TDP1: variants seen among roughly 807,000 people sequenced by gnomAD.
TDP1 encodes the protein tyrosyl-DNA phosphodiesterase 1, also known as tyr-DNA phosphodiesterase 1.
A neutral mutation model predicts 81.5 loss-of-function variants in TDP1; 64 were observed. That is an observed-to-expected ratio of 0.79 (90% CI 0.64 to 0.97). The LOEUF (loss-of-function observed/expected upper bound fraction) is 0.97, where lower values mean the gene tolerates loss of function less well. Ranked by LOEUF, TDP1 falls within the 50% of genes least tolerant of loss-of-function variation. The pLI is 0.00. For missense variants in TDP1, 723 were observed against 743.8 expected (o/e 0.97, Z 0.33); for synonymous variants, 256 against 264.3 (o/e 0.97, Z 0.30).
At chr14:89,992,104 A>T in intron 13 of TDP1, 121 bp downstream of exon 13, 1 of 806,058 alleles carries the variant, frequency 1.2e-6, no homozygotes, top group Non-Finnish European at 2.0e-6. Flanking sequence ...TCTTTCATCT[A>T]CATATGTTAG....
chr14:89,973,023 AT>A (rs1287908600), intron 6 of TDP1, among the ~76,000 whole-genome samples: 3 of 151,902 alleles, frequency 2.0e-5, no homozygotes, highest in East Asian at 1.9e-4. Context: ...ATATCTTTGT[AT>A]TTTTTTAAGA....
chr14:90,009,896 G>A (rs1884495614), intron 14 of TDP1, among the ~76,000 whole-genome samples: 1 of 152,096 alleles, frequency 6.6e-6, no homozygotes, highest in Admixed American at 6.5e-5. Context: ...GATGAAGGAT[G>A]TTCTTTTCAA....
At chr14:89,998,551 A>T (rs1401868726) in intron 14 of TDP1, among the ~76,000 whole-genome samples, 5 of 151,242 alleles carry the variant, frequency 3.3e-5, no homozygotes, top group African/African-American at 1.2e-4. Context: ...CACAGAGGTT[A>T]AACAATGTGC....
intron 14 of TDP1, among the ~76,000 whole-genome samples, chr14:90,005,059 A>T (rs1432736231): frequency 6.6e-6 from 1 of 152,232 alleles, no homozygotes; most frequent in African/African-American, 2.4e-5. Flanking sequence ...TAAAGGAATC[A>T]TCTTCAGAGA....
At chr14:89,977,743 A>G (rs1950348391) in intron 7 of TDP1, among the ~76,000 whole-genome samples, 1 of 152,226 alleles carries the variant, frequency 6.6e-6, no homozygotes, top group South Asian at 2.1e-4. Context: ...CACCTTCCAG[A>G]TCATAGTGAT....
chr14:89,982,457 C>T lies in TDP1; in HGVS notation c.884+1825C>T, dbSNP rs544730709. ...GGCAATGAGATTAATGTAGCTTGTT[C>T]TCATGAAACAATGTTACTAAAGGGA... On this transcript the variant is annotated intron_variant, in intron 8 of 16. Coordinates refer to ENST00000335725, the MANE Select transcript of TDP1 (RefSeq NM_018319.4). Among the ~76,000 whole-genome samples, 9 of 152,240 alleles carry T rather than the reference C, an allele frequency of 5.9e-5. No individual in the cohort carries two copies. The South Asian group carries it at 1.9e-3, about 32-fold the overall frequency.
At chr14:90,000,636 CGG>C in intron 14 of TDP1, among the ~76,000 whole-genome samples, 1 of 152,278 alleles carries the variant, frequency 6.6e-6, no homozygotes, top group South Asian at 2.1e-4. Context: ...CCGCCCACCT[CGG>C]CCCCCCAAAG....
chr14:90,038,837 C>CA lies in TDP1; in HGVS notation c.1754-4222dup, dbSNP rs537039622. 1.4e-3 allele frequency among the ~76,000 whole-genome samples: 190 copies of CA among 139,222 alleles called. 2 individuals are homozygous for CA. The South Asian group carries it at 0.024, about 18-fold the overall frequency. The allele number at this position is 139,222 out of a possible 152,430, so 91.3% of individuals were successfully genotyped here. A position where few individuals can be genotyped will look rare whatever the true frequency, so the allele number is the denominator to read the frequency against. On this transcript the variant is annotated intron_variant, in intron 16 of 16. Coordinates refer to ENST00000335725, the MANE Select transcript of TDP1 (RefSeq NM_018319.4). ...CGGGTGACAGAGCGAGACTCCATCT[C>CA]AAAAAAAAAAATTGTTGATATGTTT...
At chr14:89,971,579 A>T (rs929036958) in intron 6 of TDP1, among the ~76,000 whole-genome samples, 12 of 152,178 alleles carry the variant, frequency 7.9e-5, no homozygotes, top group African/African-American at 2.9e-4. Context: ...CATGTCAGTG[A>T]TTCATATATC....
At chr14:90,016,263 C>G (rs535230404) in intron 14 of TDP1, among the ~76,000 whole-genome samples, 1 of 152,024 alleles carries the variant, frequency 6.6e-6, no homozygotes, top group Non-Finnish European at 1.5e-5. Flanking sequence ...AGACTGGTCT[C>G]GAACTCTCGA....
rs990154481 is a variant in TDP1 at position 89,975,342 on chromosome 14, C to T, written c.757-439C>T. ...GTGCCCGCCTCAGCCTCCCAAAGTG[C>T]TGGGATTACAGGCGTGAGCCACCGC... On this transcript the variant is annotated intron_variant, in intron 6 of 16. Transcript: ENST00000335725. The T allele has an allele frequency of 3.3e-5, 29 of 887,708 alleles. No homozygotes were observed. In the African/African-American group the frequency reaches 5.1e-4, roughly 16 times the overall value. 55.0% of individuals were successfully genotyped at this position (887,708 alleles called of 1,614,324 possible). A position where few individuals can be genotyped will look rare whatever the true frequency, so the allele number is the denominator to read the frequency against.
At chr14:89,968,851 A>G (rs1893256947) in intron 5 of TDP1, among the ~76,000 whole-genome samples, 2 of 152,204 alleles carry the variant, frequency 1.3e-5, no homozygotes, top group Admixed American at 6.5e-5. Context: ...CACCCCCAAA[A>G]AAGATCTGTT....
At chr14:89,977,303 A>T (rs1894451215) in intron 7 of TDP1, among the ~76,000 whole-genome samples, 1 of 152,112 alleles carries the variant, frequency 6.6e-6, no homozygotes, top group African/African-American at 2.4e-5. Flanking sequence ...TTTAAAAAAA[A>T]ATTTTTTTTT....
At chr14:89,963,000 C>T (rs1214093159) in intron 2 of TDP1, 108 bp from the exon 3 acceptor site, 1 of 1,575,644 alleles carries the variant, frequency 6.3e-7, no homozygotes, top group Non-Finnish European at 8.6e-7. Flanking sequence ...GGTGGTTCAG[C>T]CTCTGGAAGG....
chr14:90,031,083 T>A (rs1023529362), intron 15 of TDP1, among the ~76,000 whole-genome samples: 2 of 152,048 alleles, frequency 1.3e-5, no homozygotes, highest in Non-Finnish European at 2.9e-5. Flanking sequence ...TTTCCCACTT[T>A]TACAAACACA....
At chr14:90,001,325 A>C (rs1368506574) in intron 14 of TDP1, among the ~76,000 whole-genome samples, 1 of 152,202 alleles carries the variant, frequency 6.6e-6, no homozygotes, top group African/African-American at 2.4e-5. Context: ...GTTCTGACTG[A>C]AAACATTTTT....
At chr14:89,962,827 G>A in intron 2 of TDP1, 1 of 751,096 alleles carries the variant, frequency 1.3e-6, no homozygotes, top group Non-Finnish European at 1.6e-6. Context: ...AGCTGAGATT[G>A]AACCACTGCA....
chr14:89,975,365 C>T (rs1894160967), intron 6 of TDP1: 4 of 983,416 alleles, frequency 4.1e-6, no homozygotes, highest in Non-Finnish European at 4.8e-6. Flanking sequence ...CGTGAGCCAC[C>T]GCACCTGGCC....
At chr14:89,971,036 A>G (rs1893572582) in intron 5 of TDP1, 139 bp from the exon 6 acceptor site, 1 of 695,442 alleles carries the variant, frequency 1.4e-6, no homozygotes, top group African/African-American at 1.8e-5. Context: ...GGGTTTCACC[A>G]TGTTGGCCAG....
Sources: gnomAD v4.1 joint callset for allele counts (sites outside exome capture counted in the v4.1 genomes callset) on GRCh38, gnomAD v4.1.1 for gene constraint, MANE v1.5 for transcripts, NCBI Gene and HGNC (gene_info 2026-07-23, HGNC 2026-07-21) for gene names.